Variants in SH3GL2 observed in about 807,000 individuals in gnomAD.
The protein encoded by SH3GL2 is endophilin-A1.
A neutral mutation model predicts 46.0 loss-of-function variants in SH3GL2; 24 were observed. The observed-to-expected ratio is 0.52, with a 90% confidence interval of 0.38 to 0.73. SH3GL2 has a LOEUF of 0.73. Among genes scored for constraint, SH3GL2 ranks in the 30% least tolerant of loss-of-function variants. The probability of loss-of-function intolerance (pLI) is 0.00; values close to 1 mark genes in which losing one functional copy is unlikely to be tolerated. For synonymous variants in SH3GL2, 196 were observed against 147.1 expected (o/e 1.33, Z -2.40); for missense variants, 413 against 424.2 (o/e 0.97, Z 0.23).
intron 1 of SH3GL2, among the ~76,000 whole-genome samples, chr9:17,657,247 A>G (rs984876168): frequency 6.6e-6 from 1 of 152,224 alleles, no homozygotes; most frequent in African/African-American, 2.4e-5. Flanking sequence ...CTTCTGTAGT[A>G]TGAGAAAGAG....
rs1024531888 is a variant in SH3GL2 at position 17,579,123 on chromosome 9, A to G, written c.-120A>G. 9 of 601,642 alleles carry G rather than the reference A, an allele frequency of 1.5e-5. No homozygotes were observed. The highest frequency in any genetic ancestry group is 1.2e-4 in the African/African-American group (6 of 50,230). 37.3% of individuals were successfully genotyped at this position (601,642 alleles called of 1,614,324 possible). A position where few individuals can be genotyped will look rare whatever the true frequency, so the allele number is the denominator to read the frequency against. The stretch of plus-strand genomic sequence containing the variant: ...CGCTAGGCTCCGCGCCCTCGCGCCC[A>G]TAGCCCCGGCGGCGGCACGACCAGA... On this transcript the variant is annotated 5_prime_UTR_variant, in exon 1 of 9. Coordinates refer to ENST00000380607, the MANE Select transcript of SH3GL2 (RefSeq NM_003026.5).
intron 1 of SH3GL2, among the ~76,000 whole-genome samples, chr9:17,677,082 C>A (rs567541043): frequency 6.6e-6 from 1 of 152,286 alleles, no homozygotes; most frequent in African/African-American, 2.4e-5. Context: ...CCTGCAGTCA[C>A]TCCTGTGGAC....
chr9:17,713,024 G>C (rs1316722212), intron 1 of SH3GL2, among the ~76,000 whole-genome samples: 2 of 151,238 alleles, frequency 1.3e-5, no homozygotes, highest in Admixed American at 6.6e-5. Context: ...TTTTCTTATA[G>C]GCCCTTTTTA....
rs141512329 is a variant in SH3GL2, at chr9:17,758,502, C to T, written c.115-2935C>T. 4.2e-3 allele frequency among the ~76,000 whole-genome samples: 525 copies of T among 124,478 alleles called. 5 individuals are homozygous for T. Among genetic ancestry groups the T allele is most frequent in the African/African-American group, 0.015 (496 of 33,752 alleles). 81.7% of individuals were successfully genotyped at this position (124,478 alleles called of 152,430 possible). A position where few individuals can be genotyped will look rare whatever the true frequency, so the allele number is the denominator to read the frequency against. On this transcript the variant is annotated intron_variant, in intron 2 of 8. Transcript: ENST00000380607. The stretch of plus-strand genomic sequence containing the variant: ...GCTTGAACCTGGGAGGAGGAGGTTG[C>T]GGTGAGCTGAGATTGCTCTACTGCA...
At position 17,793,497 on chromosome 9, in the gene SH3GL2, G is replaced by C; in HGVS notation, c.859G>C (p.Gly287Arg). ...CCACACAGGCACTCCCAAACCTTCA[G>C]GTAAGAGCTGAAACTGCAGATCCTA... is the stretch of plus-strand genomic sequence containing the variant. ...LSHTGTPKPS[G>R]VQMDQPCCRA... The change falls in exon 8 of 9, where the codon GGT becomes CGT. Residue 287 changes from glycine to arginine, a missense_variant and splice_region_variant. Around this residue, in one of 3 missense-constraint regions of SH3GL2, gnomAD observed 248 missense variants for 215.0 expected, o/e 1.15. Coordinates refer to ENST00000380607, the MANE Select transcript of SH3GL2 (RefSeq NM_003026.5). The C allele has an allele frequency of 6.2e-7, 1 of 1,612,778 alleles. No individual in the cohort carries two copies. The highest frequency in any genetic ancestry group is 8.5e-7 in the Non-Finnish European group (1 of 1,179,586).
chr9:17,585,760 C>A (rs1818364150), intron 1 of SH3GL2, among the ~76,000 whole-genome samples: 1 of 152,168 alleles, frequency 6.6e-6, no homozygotes, highest in Non-Finnish European at 1.5e-5. Context: ...GAGAGGTGAA[C>A]TTGTGGTAGG....
chr9:17,778,682 G>C (rs1823715058), intron 3 of SH3GL2, among the ~76,000 whole-genome samples: 1 of 152,152 alleles, frequency 6.6e-6, no homozygotes, highest in African/African-American at 2.4e-5. Context: ...AGGGAGGCCA[G>C]CAGGAGCTTA....
intron 1 of SH3GL2, among the ~76,000 whole-genome samples, chr9:17,606,000 C>T (rs1034469550): frequency 3.3e-5 from 5 of 152,042 alleles, no homozygotes; most frequent in African/African-American, 1.2e-4. Context: ...GCACATGATC[C>T]CTTTCATTAA....
Position 17,648,532 on chromosome 9 carries a change from C to T in SH3GL2, c.45+69245C>T, listed in dbSNP as rs141719364. ...AAAACATCCAGGGTTTATTTCTTAG[C>T]ATTGGTAAATGAATTCTTTAGACAC... On this transcript the variant is annotated intron_variant, in intron 1 of 8. Transcript: ENST00000380607. 2.0e-5 allele frequency among the ~76,000 whole-genome samples: 3 copies of T among 152,250 alleles called. No homozygotes were observed. The East Asian group carries it at 5.8e-4, about 29-fold the overall frequency.
At chr9:17,630,101 CAG>C (rs1195765985) in intron 1 of SH3GL2, among the ~76,000 whole-genome samples, 1 of 152,122 alleles carries the variant, frequency 6.6e-6, no homozygotes, top group Non-Finnish European at 1.5e-5. Flanking sequence ...TTTTGGAAAT[CAG>C]GGTTATAGCT....
chr9:17,676,230 T>G (rs1820604966), intron 1 of SH3GL2, among the ~76,000 whole-genome samples: 1 of 152,236 alleles, frequency 6.6e-6, no homozygotes, highest in Admixed American at 6.5e-5. Context: ...CCTTTTCTTT[T>G]TTCCTTCCCT....
intron 1 of SH3GL2, among the ~76,000 whole-genome samples, chr9:17,637,020 A>G (rs932826135): frequency 6.6e-6 from 1 of 152,212 alleles, no homozygotes; most frequent in Non-Finnish European, 1.5e-5. Context: ...GTTGCCTGGA[A>G]GGGAAAGGAA....
intron 2 of SH3GL2, among the ~76,000 whole-genome samples, chr9:17,752,171 CT>C: frequency 6.6e-6 from 1 of 152,256 alleles, no homozygotes; most frequent in East Asian, 1.9e-4. Context: ...TGGATTAACT[CT>C]TCTGAGTCAG....
At chr9:17,700,589 C>A (rs74305190) in intron 1 of SH3GL2, among the ~76,000 whole-genome samples, 2 of 152,064 alleles carry the variant, frequency 1.3e-5, no homozygotes, top group Non-Finnish European at 2.9e-5. Context: ...TAGCCAGATT[C>A]ATTTGTCTTT....
At chr9:17,775,817 G>T (rs138829284) in intron 3 of SH3GL2, among the ~76,000 whole-genome samples, 48 of 152,258 alleles carry the variant, frequency 3.2e-4, no homozygotes, top group African/African-American at 1.1e-3. Flanking sequence ...GTGACTTGGA[G>T]TACTGTGGCC....
chr9:17,700,940 T>G (rs2118201124), intron 1 of SH3GL2, among the ~76,000 whole-genome samples: 1 of 152,338 alleles, frequency 6.6e-6, no homozygotes, highest in East Asian at 1.9e-4. Context: ...AAAGCCTGTC[T>G]TAGAGAGGTG....
intron 1 of SH3GL2, among the ~76,000 whole-genome samples, chr9:17,626,843 C>T (rs1234675162): frequency 6.6e-6 from 1 of 152,122 alleles, no homozygotes; most frequent in Non-Finnish European, 1.5e-5. Flanking sequence ...TATCTGAGCA[C>T]TTTAATTTGT....
chr9:17,658,793 G>A (rs554012642), intron 1 of SH3GL2, among the ~76,000 whole-genome samples: 2 of 152,260 alleles, frequency 1.3e-5, no homozygotes, highest in African/African-American at 4.8e-5. Context: ...GGAAATTAGT[G>A]TGCACTGACT....
chr9:17,699,369 A>T (rs924951438), intron 1 of SH3GL2, among the ~76,000 whole-genome samples: 3 of 152,156 alleles, frequency 2.0e-5, no homozygotes, highest in African/African-American at 7.2e-5. Context: ...TTTCCAAACT[A>T]AATTAAATCC....
Sources: gnomAD v4.1 joint callset for allele counts (sites outside exome capture counted in the v4.1 genomes callset) on GRCh38, gnomAD v4.1.1 for gene constraint, gnomAD v4.1.1 regional missense constraint, MANE v1.5 for transcripts, NCBI Gene and HGNC (gene_info 2026-07-23, HGNC 2026-07-21) for gene names.